SNX29: variants seen among roughly 807,000 people sequenced by gnomAD.
SNX29 encodes the protein sorting nexin 29, also known as sorting nexin-29.
A neutral mutation model predicts 102.1 loss-of-function variants in SNX29; 78 were observed. The observed-to-expected ratio is 0.76, with a 90% CI of 0.64 to 0.92. SNX29 has a LOEUF of 0.92. SNX29 is among the 40% of genes least tolerant of loss of function. The pLI is 0.00. For synonymous variants in SNX29, 580 were observed against 414.5 expected, an observed-to-expected ratio of 1.40 and a Z score of -4.85; for missense variants, 1,280 against 1,061.7, an observed-to-expected ratio of 1.21 and a Z score of -2.86.
In SNX29 at chr16:12,048,376, G is replaced by C. The variant is rs769961126; in HGVS notation, c.504G>C (p.Leu168=). 1.4e-5 allele frequency: 23 copies of C among 1,613,710 alleles called. No individual in the cohort carries two copies. The highest frequency in any genetic ancestry group is 5.0e-5 in the Admixed American group (3 of 59,978). ...CTTTTCCCTTTTTTTGGGCAGGTCT[G>C]AACTCCATACTCTTTGCGATTAACA... ...SSMLPTMAAG[L]NSILFAINID... Residue 168 remains leucine, a synonymous_variant, in exon 7 of 21, where the codon CTG becomes CTC. Transcript: ENST00000566228.
intron 14 of SNX29, among the ~76,000 whole-genome samples, chr16:12,256,577 T>C (rs2870488): frequency 0.72 from 109,666 of 152,106 alleles, 40,513 homozygotes; most frequent in African/African-American, 0.88. Context: ...ATCCGCCTGC[T>C]TCGGCCCCCA....
At chr16:12,473,955 C>T (rs897999976) in intron 18 of SNX29, among the ~76,000 whole-genome samples, 3 of 152,160 alleles carry the variant, frequency 2.0e-5, no homozygotes, top group Non-Finnish European at 4.4e-5. Flanking sequence ...TATGGAGTAG[C>T]GATTCTTTAT....
At chr16:12,330,825 G>T (rs1439361075) in intron 15 of SNX29, among the ~76,000 whole-genome samples, 1 of 151,114 alleles carries the variant, frequency 6.6e-6, no homozygotes, top group African/African-American at 2.4e-5. Flanking sequence ...GGATGGAGGA[G>T]TTTGGGTGCA....
At chr16:12,428,164 T>C (rs1470638743) in intron 18 of SNX29, among the ~76,000 whole-genome samples, 1 of 152,184 alleles carries the variant, frequency 6.6e-6, no homozygotes, top group Non-Finnish European at 1.5e-5. Flanking sequence ...ATGTGATTCT[T>C]AGACATTTTC....
At chr16:12,567,559 G>T (rs375611450) in intron 20 of SNX29, among the ~76,000 whole-genome samples, 1 of 152,036 alleles carries the variant, frequency 6.6e-6, no homozygotes, top group Non-Finnish European at 1.5e-5. Flanking sequence ...CTGAGCAAGA[G>T]GATCACTTGA....
At chr16:12,518,700 T>G (rs1325167800) in intron 19 of SNX29, among the ~76,000 whole-genome samples, 2 of 152,168 alleles carry the variant, frequency 1.3e-5, no homozygotes, top group African/African-American at 4.8e-5. Flanking sequence ...GCTAAACATC[T>G]GTGGATCATC....
intron 20 of SNX29, among the ~76,000 whole-genome samples, chr16:12,562,646 G>A (rs534676736): frequency 1.3e-5 from 2 of 152,146 alleles, no homozygotes; most frequent in Non-Finnish European, 2.9e-5. Flanking sequence ...TCCCTGAGGG[G>A]CTGTTTTATG....
At chr16:12,179,331 A>C (rs1177193877) in intron 13 of SNX29, among the ~76,000 whole-genome samples, 1 of 152,224 alleles carries the variant, frequency 6.6e-6, no homozygotes, top group Non-Finnish European at 1.5e-5. Flanking sequence ...ACAAAATAGA[A>C]AAAGTTAGCC....
intron 13 of SNX29, among the ~76,000 whole-genome samples, chr16:12,140,237 C>T (rs1392262428): frequency 6.6e-6 from 1 of 152,202 alleles, no homozygotes; most frequent in African/African-American, 2.4e-5. Context: ...TCTTAGGTAA[C>T]TCTTCTCTTG....
intron 19 of SNX29, among the ~76,000 whole-genome samples, chr16:12,488,646 C>T (rs1441652396): frequency 6.6e-6 from 1 of 152,172 alleles, no homozygotes; most frequent in African/African-American, 2.4e-5. Flanking sequence ...GTCCTATGTC[C>T]CTTCACTTCC....
chr16:12,251,937 CTT>C (rs2078435012), intron 14 of SNX29, among the ~76,000 whole-genome samples: 1 of 151,896 alleles, frequency 6.6e-6, no homozygotes, highest in African/African-American at 2.4e-5. Context: ...TTTTTAAAAA[CTT>C]TGTTAGAGAT....
At chr16:12,315,319 G>A (rs1278997786) in intron 15 of SNX29, among the ~76,000 whole-genome samples, 1 of 152,192 alleles carries the variant, frequency 6.6e-6, no homozygotes, top group African/African-American at 2.4e-5. Flanking sequence ...ATAAAGGGTG[G>A]CCAGAGAGTA....
Position 12,148,336 on chromosome 16 carries a change from A to G in SNX29, c.1595+18578A>G, listed in dbSNP as rs377535072. On this transcript the variant is annotated intron_variant, in intron 13 of 20. Coordinates refer to ENST00000566228, the MANE Select transcript of SNX29 (RefSeq NM_032167.5). ...GTGGGATAGGCTTGCCTTTGAGCAC[A>G]TTCCCTCTTGTTTCTGGTAATGTGA... 3.3e-5 allele frequency among the ~76,000 whole-genome samples: 5 copies of G among 152,328 alleles called. No individual in the cohort carries two copies. The East Asian group carries it at 7.7e-4, about 23-fold the overall frequency.
chr16:11,995,622 A>G (rs909292819), intron 1 of SNX29, among the ~76,000 whole-genome samples: 1 of 150,978 alleles, frequency 6.6e-6, no homozygotes, highest in African/African-American at 2.5e-5. Context: ...CTCATCCAGA[A>G]TAATCAGTAG....
At chr16:12,196,485 G>C (rs892667369) in intron 13 of SNX29, among the ~76,000 whole-genome samples, 2 of 152,142 alleles carry the variant, frequency 1.3e-5, no homozygotes, top group East Asian at 1.9e-4. Flanking sequence ...TACCTGTAAG[G>C]GGGTCTTGCT....
intron 16 of SNX29, among the ~76,000 whole-genome samples, chr16:12,385,042 C>T (rs183473944): frequency 2.6e-5 from 4 of 152,174 alleles, no homozygotes; most frequent in Admixed American, 6.5e-5. Flanking sequence ...TGGCGGCGCA[C>T]GCCTATAGTA....
chr16:12,219,356 A>G (rs996160533), intron 14 of SNX29, among the ~76,000 whole-genome samples: 2 of 151,892 alleles, frequency 1.3e-5, no homozygotes, highest in African/African-American at 2.4e-5. Flanking sequence ...GCATACACAT[A>G]TGTGTATATA....
chr16:12,430,450 A>G (rs1343296869), intron 18 of SNX29, among the ~76,000 whole-genome samples: 1 of 152,180 alleles, frequency 6.6e-6, no homozygotes, highest in Non-Finnish European at 1.5e-5. Flanking sequence ...GATCAGGCAC[A>G]CCTGCTTTGG....
At chr16:12,425,092 C>A (rs925309243) in intron 18 of SNX29, among the ~76,000 whole-genome samples, 2 of 152,164 alleles carry the variant, frequency 1.3e-5, no homozygotes, top group African/African-American at 4.8e-5. Context: ...AAGATACAAA[C>A]AAAACACACC....
Sources: allele counts gnomAD v4.1 joint callset (sites outside exome capture counted in the v4.1 genomes callset), GRCh38; gene constraint gnomAD v4.1.1; transcripts MANE v1.5; gene names NCBI Gene and HGNC (gene_info 2026-07-23, HGNC 2026-07-21).